The following DCLK2 variants were observed in gnomAD, a reference collection of about 807,000 sequenced individuals.
DCLK2 encodes the protein serine/threonine-protein kinase DCLK2.
A neutral mutation model predicts 78.4 loss-of-function variants in DCLK2; 31 were observed. That is an observed-to-expected ratio of 0.40 (90% CI 0.30 to 0.53). DCLK2 has a LOEUF of 0.53. DCLK2 is among the 20% of genes least tolerant of loss of function. The pLI is 0.61. For missense variants in DCLK2, 872 were observed against 973.7 expected (o/e 0.90, Z 1.39); for synonymous variants, 407 against 374.9 (o/e 1.09, Z -0.99).
chr4:150,121,070 TA>T (rs374179742), intron 2 of DCLK2, among the ~76,000 whole-genome samples: 33 of 148,934 alleles, frequency 2.2e-4, no homozygotes, highest in Non-Finnish European at 3.1e-4. Context: ...AAACTTTGTC[TA>T]AAAAAAAAAT....
chr4:150,132,741 T>A (rs1430151433), intron 2 of DCLK2, among the ~76,000 whole-genome samples: 1 of 152,180 alleles, frequency 6.6e-6, no homozygotes, highest in Non-Finnish European at 1.5e-5. Flanking sequence ...TATAGGCACA[T>A]GCTACTTCAC....
chr4:150,173,322 G>A (rs146760284), intron 2 of DCLK2, among the ~76,000 whole-genome samples: 113 of 152,272 alleles, frequency 7.4e-4, no homozygotes, highest in African/African-American at 2.6e-3. Context: ...TTTGGACATT[G>A]AGTATCTTTT....
chr4:150,191,449 A>G (rs952001778), intron 2 of DCLK2, among the ~76,000 whole-genome samples: 2 of 152,058 alleles, frequency 1.3e-5, no homozygotes, highest in Admixed American at 6.6e-5. Flanking sequence ...GGAACCAAGG[A>G]ATAGAAGTAG....
intron 2 of DCLK2, among the ~76,000 whole-genome samples, chr4:150,122,325 T>C (rs1291178776): frequency 1.3e-5 from 2 of 152,218 alleles, no homozygotes; most frequent in Non-Finnish European, 2.9e-5. Context: ...ATTGCAGCAC[T>C]ATTCACAATA....
intron 2 of DCLK2, among the ~76,000 whole-genome samples, chr4:150,112,824 C>G (rs1270613667): frequency 1.0e-5 from 1 of 97,538 alleles, no homozygotes; most frequent in African/African-American, 4.1e-5. Flanking sequence ...CCCCGCCCCC[C>G]GCCCCGGACA....
intron 2 of DCLK2, among the ~76,000 whole-genome samples, chr4:150,162,958 A>G (rs1735802758): frequency 6.6e-6 from 1 of 152,220 alleles, no homozygotes; most frequent in South Asian, 2.1e-4. Flanking sequence ...TTAATATGAC[A>G]TTAGAATTGT....
chr4:150,102,937 TTGTGTG>T, intron 2 of DCLK2, 125 bp downstream of exon 2: 1 of 848,886 alleles, frequency 1.2e-6, no homozygotes. Context: ...ATACTTGAGA[TTGTGTG>T]TGTGTGTGTA....
intron 12 of DCLK2, among the ~76,000 whole-genome samples, chr4:150,241,650 T>C (rs192691891): frequency 3.9e-5 from 6 of 152,334 alleles, no homozygotes; most frequent in Admixed American, 3.3e-4. Flanking sequence ...AAATATCATA[T>C]ACAGTGTGGC....
intron 2 of DCLK2, among the ~76,000 whole-genome samples, chr4:150,158,043 G>A (rs1409085213): frequency 6.6e-6 from 1 of 152,176 alleles, no homozygotes; most frequent in Non-Finnish European, 1.5e-5. Flanking sequence ...ATTTGCTAAG[G>A]CCACCATAAT....
intron 2 of DCLK2, among the ~76,000 whole-genome samples, chr4:150,164,805 A>G (rs1469792688): frequency 6.6e-6 from 1 of 152,240 alleles, no homozygotes; most frequent in Non-Finnish European, 1.5e-5. Context: ...TCTCAAAAAA[A>G]AAATTAAGTC....
intron 1 of DCLK2, among the ~76,000 whole-genome samples, chr4:150,086,698 G>A (rs1729674478): frequency 6.6e-6 from 1 of 151,830 alleles, no homozygotes; most frequent in Admixed American, 6.6e-5. Context: ...AGTAGAGATG[G>A]GTTTTCACCG....
intron 5 of DCLK2, among the ~76,000 whole-genome samples, chr4:150,216,194 G>C (rs889646212): frequency 3.9e-5 from 6 of 152,184 alleles, no homozygotes; most frequent in African/African-American, 1.4e-4. Context: ...TTTACCATAG[G>C]ACCCTCTGAC....
At chr4:150,082,291 C>T (rs9307863) in intron 1 of DCLK2, among the ~76,000 whole-genome samples, 22,499 of 152,198 alleles carry the variant, frequency 0.15, 2,059 homozygotes, top group Non-Finnish European at 0.22. Context: ...TCTACTTCTT[C>T]GATCCCATGA....
intron 2 of DCLK2, among the ~76,000 whole-genome samples, chr4:150,164,980 A>G (rs1372207100): frequency 1.3e-5 from 2 of 152,212 alleles, no homozygotes; most frequent in Non-Finnish European, 2.9e-5. Flanking sequence ...TGAGCACACC[A>G]ATTTATGACA....
intron 3 of DCLK2, among the ~76,000 whole-genome samples, chr4:150,197,685 G>C (rs1739151671): frequency 6.6e-6 from 1 of 152,006 alleles, no homozygotes; most frequent in Admixed American, 6.6e-5. Context: ...AACCCAGGAG[G>C]CGGAGGTTGC....
chr4:150,139,955 T>A (rs1733999464), intron 2 of DCLK2, among the ~76,000 whole-genome samples: 1 of 152,256 alleles, frequency 6.6e-6, no homozygotes, highest in Non-Finnish European at 1.5e-5. Context: ...TTGACAAATA[T>A]AGGCAAATTA....
At chr4:150,178,666 TGA>T (rs1737265648) in intron 2 of DCLK2, among the ~76,000 whole-genome samples, 1 of 152,240 alleles carries the variant, frequency 6.6e-6, no homozygotes, top group African/African-American at 2.4e-5. Context: ...ACTGCCCCAC[TGA>T]TTTTGGACTC....
intron 8 of DCLK2, among the ~76,000 whole-genome samples, chr4:150,229,644 A>G (rs1474756122): frequency 1.3e-5 from 2 of 152,072 alleles, no homozygotes; most frequent in African/African-American, 4.8e-5. Context: ...ATACCCCCCC[A>G]TTCCTCTCTC....
intron 2 of DCLK2, among the ~76,000 whole-genome samples, chr4:150,161,807 A>G (rs1017837126): frequency 6.6e-6 from 1 of 152,176 alleles, no homozygotes. Flanking sequence ...TGTCCAGGGA[A>G]CTTCAATGTG....
Sources: gnomAD v4.1 joint callset for allele counts (sites outside exome capture counted in the v4.1 genomes callset) on GRCh38, gnomAD v4.1.1 for gene constraint, MANE v1.5 for transcripts, NCBI Gene and HGNC (gene_info 2026-07-23, HGNC 2026-07-21) for gene names.